Variants in KALRN observed in about 807,000 individuals in gnomAD.
KALRN encodes the protein kalirin RhoGEF kinase.
A neutral mutation model predicts 353.7 loss-of-function variants in KALRN; 70 were observed. The ratio of observed to expected loss-of-function variants is 0.20; its 90% CI spans 0.16 to 0.24. The LOEUF (loss-of-function observed/expected upper bound fraction) is 0.24, where lower values mean the gene tolerates loss of function less well. Among genes scored for constraint, KALRN ranks in the 10% least tolerant of loss-of-function variants. The pLI, the probability that KALRN is intolerant of heterozygous loss-of-function variation, is 1.00. For synonymous variants in KALRN, 1,391 were observed against 1,434.8 expected (o/e 0.97, Z 0.69); for missense variants, 2,791 against 3,756.7 (o/e 0.74, Z 6.72).
intron 41 of KALRN, 108 bp from the exon 42 acceptor site, chr3:124,658,323 C>T: frequency 1.3e-5 from 11 of 819,170 alleles, no homozygotes; most frequent in South Asian, 1.2e-4. Context: ...GGTGCGTCCC[C>T]AAGTGCGCCT....
At position 124,033,627 on chromosome 3, in the gene KALRN, C is replaced by G. The variant is rs1464791704; in HGVS notation, c.-114C>G. 6.6e-6 allele frequency among the ~76,000 whole-genome samples: 1 copy of G among 151,574 alleles called. No individual in the cohort carries two copies. Among genetic ancestry groups the G allele is most frequent in the Non-Finnish European group, 1.5e-5 (1 of 67,838 alleles). Reference sequence around the variant, plus strand: ...CCCGCCCTCGAAGCTCCGCGGCCGCCAGCTCTGCGGCCGCAGCAGCTGCGC... The same window carrying G: ...CCCGCCCTCGAAGCTCCGCGGCCGCGAGCTCTGCGGCCGCAGCAGCTGCGC... On this transcript the variant is annotated 5_prime_UTR_variant, in exon 1 of 60. Coordinates refer to ENST00000682506, the MANE Select transcript of KALRN (RefSeq NM_001388419.1). This position sits in a 1 kb window ranked among gnomAD's most constrained non-coding sequence, Gnocchi z 6.2.
chr3:124,173,042 C>T (rs2072098180), intron 1 of KALRN, among the ~76,000 whole-genome samples: 2 of 151,810 alleles, frequency 1.3e-5, no homozygotes, highest in African/African-American at 4.8e-5. Flanking sequence ...GGCCTAAGGT[C>T]ACACAACTAG....
At chr3:124,684,913 C>T (rs2061491217) in intron 51 of KALRN, among the ~76,000 whole-genome samples, 1 of 152,112 alleles carries the variant, frequency 6.6e-6, no homozygotes, top group African/African-American at 2.4e-5. Flanking sequence ...GTCCTCAGAT[C>T]TGAAGAGCCA....
intron 10 of KALRN, among the ~76,000 whole-genome samples, chr3:124,379,295 A>T (rs1401013862): frequency 6.6e-6 from 1 of 152,116 alleles, no homozygotes; most frequent in Non-Finnish European, 1.5e-5. Context: ...AACCATTTTA[A>T]AATACTTGTC....
rs10599336 is a variant in KALRN, at chr3:124,686,798, ATTTTTTTTTTTTTT to A, written c.7378-6985_7378-6972del. 5.4e-3 allele frequency among the ~76,000 whole-genome samples: 380 copies of A among 70,850 alleles called. 2 individuals carry two copies. Among genetic ancestry groups the A allele is most frequent in the Admixed American group, 0.013 (66 of 5,192 alleles). 46.5% of individuals were successfully genotyped at this position (70,850 alleles called of 152,430 possible). A position where few individuals can be genotyped will look rare whatever the true frequency, so the allele number is the denominator to read the frequency against. ...CAGCATCTATGCAAACACTGGTGAG[ATTTTTTTTTTTTTT>A]TTTTTTTTTTTTTTTTTTTTGAGAC... On this transcript the variant is annotated intron_variant, in intron 51 of 59. Transcript: ENST00000682506.
In KALRN at chr3:124,457,365, C is replaced by A. The variant is rs554292561; in HGVS notation, c.3854+637C>A. Among the ~76,000 whole-genome samples the A allele has an allele frequency of 5.5e-4, 84 of 152,088 alleles. 1 individual carries two copies. The highest frequency in any genetic ancestry group is 3.5e-3 in the South Asian group (17 of 4,812). ...GATTATAGGCATGAGCCACCACGCC[C>A]AGCCTCTCCCTTCTGATTTTCTAAT... On this transcript the variant is annotated intron_variant, in intron 23 of 59. Transcript: ENST00000682506.
chr3:124,249,112 A>G (rs749324635), intron 3 of KALRN, among the ~76,000 whole-genome samples: 1 of 152,258 alleles, frequency 6.6e-6, no homozygotes, highest in Admixed American at 6.5e-5. Context: ...ACATTGGTTC[A>G]GATTTAATTC....
At chr3:124,515,020 A>C (rs1348349404) in intron 33 of KALRN, among the ~76,000 whole-genome samples, 7 of 152,246 alleles carry the variant, frequency 4.6e-5, no homozygotes, top group Non-Finnish European at 1.0e-4. Context: ...CTAATCCATC[A>C]GACAAAAAAC....
At position 124,667,971 on chromosome 3, in the gene KALRN, A is replaced by G. The variant is rs531806518; in HGVS notation, c.6703+788A>G. Reference sequence around the variant, plus strand: ...CTAACCAAGCAGAAATAGAGCTTGAAGTTGAATGCAAAATGTAACTAGTAA... The same window carrying G: ...CTAACCAAGCAGAAATAGAGCTTGAGGTTGAATGCAAAATGTAACTAGTAA... On this transcript the variant is annotated intron_variant, in intron 47 of 59. Transcript: ENST00000682506. Among the ~76,000 whole-genome samples, 3 of 151,832 alleles carry G rather than the reference A, an allele frequency of 2.0e-5. No homozygotes were observed. In the East Asian group the frequency reaches 5.8e-4, roughly 29 times the overall value.
At chr3:124,178,237 G>A (rs1291870047) in intron 1 of KALRN, among the ~76,000 whole-genome samples, 1 of 152,156 alleles carries the variant, frequency 6.6e-6, no homozygotes, top group African/African-American at 2.4e-5. Context: ...GCCTGAAACC[G>A]TGGATAGTAC....
rs1461840162 is a variant in KALRN, at chr3:124,685,578, G to A, written c.7377+6061G>A. 4.6e-5 allele frequency among the ~76,000 whole-genome samples: 7 copies of A among 152,290 alleles called. No homozygotes were observed. The East Asian group carries it at 1.3e-3, about 29-fold the overall frequency. On this transcript the variant is annotated intron_variant, in intron 51 of 59. Transcript: ENST00000682506. Reference sequence around the variant, plus strand: ...CTTTCTTAACAAGGGTCAGGCTCAGGCCCTCTTTTGCTGCACATCTGTTTT... The same window carrying A: ...CTTTCTTAACAAGGGTCAGGCTCAGACCCTCTTTTGCTGCACATCTGTTTT...
Position 124,119,008 on chromosome 3 carries a change from T to C in KALRN, c.73+85195T>C, listed in dbSNP as rs372450794. On this transcript the variant is annotated intron_variant, in intron 1 of 59. Transcript: ENST00000682506. ...CGGTCTCCTTTTCATCATACTGTAA[T>C]GAGAGCCCAGCTTTCTTCCTTCTCT... is the stretch of plus-strand genomic sequence containing the variant. Among the ~76,000 whole-genome samples, 30 of 152,344 alleles carry C rather than the reference T, an allele frequency of 2.0e-4. No homozygotes were observed. In the East Asian group the frequency reaches 2.1e-3, roughly 11 times the overall value.
chr3:124,373,254 T>C (rs777159232), intron 10 of KALRN, among the ~76,000 whole-genome samples: 4 of 152,130 alleles, frequency 2.6e-5, no homozygotes, highest in Non-Finnish European at 5.9e-5. Flanking sequence ...AAAATGGTGG[T>C]TCTCAACTGG....
chr3:124,698,731 C>A (rs115907750), intron 55 of KALRN, among the ~76,000 whole-genome samples: 1,972 of 152,230 alleles, frequency 0.013, 42 homozygotes, highest in African/African-American at 0.045. Context: ...TTCTACACCC[C>A]CTATCCCCAG....
chr3:124,335,196 G>A (rs1453250835), intron 9 of KALRN, among the ~76,000 whole-genome samples: 1 of 152,086 alleles, frequency 6.6e-6, no homozygotes, highest in South Asian at 2.1e-4. Flanking sequence ...CTCCACATAC[G>A]GTCCATCTGG....
intron 33 of KALRN, among the ~76,000 whole-genome samples, chr3:124,559,876 A>T (rs1461874810): frequency 6.6e-6 from 1 of 152,230 alleles, no homozygotes; most frequent in South Asian, 2.1e-4. Flanking sequence ...CAGGATATTC[A>T]TCATCTATTT....
chr3:124,232,755 C>T (rs1305421428), intron 2 of KALRN, among the ~76,000 whole-genome samples: 2 of 152,130 alleles, frequency 1.3e-5, no homozygotes, highest in Middle Eastern at 3.2e-3. Context: ...CTTCTAACTC[C>T]TCCTTCCCTT....
intron 38 of KALRN, among the ~76,000 whole-genome samples, chr3:124,654,152 T>C (rs745421711): frequency 1.3e-5 from 2 of 152,272 alleles, no homozygotes; most frequent in Non-Finnish European, 2.9e-5. Context: ...TTTGCCACTT[T>C]CTACCAGGCG....
intron 34 of KALRN, among the ~76,000 whole-genome samples, chr3:124,619,089 G>A (rs2078978363): frequency 2.0e-5 from 3 of 150,462 alleles, no homozygotes; most frequent in African/African-American, 7.4e-5. Context: ...CCAGCCCCTG[G>A]TAACCAGTGT....
Sources: gnomAD v4.1 joint callset for allele counts (sites outside exome capture counted in the v4.1 genomes callset) on GRCh38, gnomAD v4.1.1 for gene constraint, Gnocchi (gnomAD v3.1) non-coding constraint, MANE v1.5 for transcripts, NCBI Gene and HGNC (gene_info 2026-07-23, HGNC 2026-07-21) for gene names.